The following DENND5B variants were observed in gnomAD, a reference collection of about 807,000 sequenced individuals.
The protein encoded by DENND5B is DENN domain-containing protein 5B.
DENND5B carries 34 observed loss-of-function variants against 140.6 expected under a neutral mutation model. The ratio of observed to expected loss-of-function variants is 0.24; its 90% CI spans 0.18 to 0.32. The LOEUF is 0.32. DENND5B is among the 10% of genes least tolerant of loss of function. The probability of loss-of-function intolerance (pLI) is 1.00; values close to 1 mark genes in which losing one functional copy is unlikely to be tolerated. For missense variants in DENND5B, 1,142 were observed against 1,560.2 expected (o/e 0.73, Z 4.52); for synonymous variants, 551 against 562.1 (o/e 0.98, Z 0.28).
At chr12:31,510,150 T>A (rs1947355520) in intron 1 of DENND5B, among the ~76,000 whole-genome samples, 1 of 152,304 alleles carries the variant, frequency 6.6e-6, no homozygotes, top group South Asian at 2.1e-4. Context: ...TTATGATAAA[T>A]TTAGCAGCTT....
At chr12:31,462,724 C>T (rs117136386) in intron 3 of DENND5B, among the ~76,000 whole-genome samples, 3,117 of 152,162 alleles carry the variant, frequency 0.02, 56 homozygotes, top group South Asian at 0.053. Context: ...TTTGGGAGAC[C>T]GAGGTGGGTG....
At chr12:31,532,407 C>A (rs1948318747) in intron 1 of DENND5B, among the ~76,000 whole-genome samples, 1 of 152,000 alleles carries the variant, frequency 6.6e-6, no homozygotes, top group East Asian at 1.9e-4. Context: ...GGCTCATAGA[C>A]CTCAATATAA....
At chr12:31,490,255 C>T (rs1297785786) in intron 2 of DENND5B, among the ~76,000 whole-genome samples, 1 of 147,274 alleles carries the variant, frequency 6.8e-6, no homozygotes, top group African/African-American at 2.5e-5. Flanking sequence ...ATGGGGGTGG[C>T]GGGGGCAAAA....
intron 6 of DENND5B, among the ~76,000 whole-genome samples, chr12:31,443,632 C>T (rs1186662510): frequency 4.6e-5 from 7 of 152,056 alleles, no homozygotes; most frequent in Non-Finnish European, 7.4e-5. Context: ...TTTTCTTGAG[C>T]TGAAATACAA....
At chr12:31,451,881 G>C in intron 5 of DENND5B, 59 bp downstream of exon 5, 2 of 1,554,224 alleles carry the variant, frequency 1.3e-6, no homozygotes, top group African/African-American at 1.4e-5. Context: ...ATTTAAAAAT[G>C]TTAAAATCAA....
intron 1 of DENND5B, among the ~76,000 whole-genome samples, chr12:31,521,824 C>A (rs1351334138): frequency 6.6e-6 from 1 of 152,180 alleles, no homozygotes; most frequent in Non-Finnish European, 1.5e-5. Flanking sequence ...TAGCCTCCTA[C>A]CTGGCCTCCC....
intron 9 of DENND5B, 139 bp from the exon 10 acceptor site, chr12:31,424,826 T>C: frequency 8.7e-7 from 1 of 1,143,994 alleles, no homozygotes; most frequent in Non-Finnish European, 1.2e-6. Flanking sequence ...GAAAAAAATC[T>C]CTTAATCTTG....
At chr12:31,587,567 A>T (rs1950440766) in intron 1 of DENND5B, among the ~76,000 whole-genome samples, 13 of 61,718 alleles carry the variant, frequency 2.1e-4, no homozygotes, top group East Asian at 1.0e-3. Context: ...TTTTTTTTTG[A>T]GACAGAGTCT....
chr12:31,413,850 A>G (rs1353689500), intron 12 of DENND5B, among the ~76,000 whole-genome samples: 1 of 152,182 alleles, frequency 6.6e-6, no homozygotes, highest in Non-Finnish European at 1.5e-5. Context: ...TGGCAGACTC[A>G]TAGATATCTG....
At chr12:31,409,557 C>T (rs1487774276) in intron 13 of DENND5B, among the ~76,000 whole-genome samples, 173 bp from the exon 14 acceptor site, 1 of 147,106 alleles carries the variant, frequency 6.8e-6, no homozygotes, top group East Asian at 2.1e-4. Flanking sequence ...CAGCTCACTG[C>T]AAACTCTGCC....
Position 31,426,208 on chromosome 12 carries a change from A to T in DENND5B, c.2238+85T>A. ...TTCTTCTAGCAAAATTACATGCTTAAATGGGGGTTAACTCAGTTCATCTTA... is the reference window on the plus strand; with the variant it reads ...TTCTTCTAGCAAAATTACATGCTTATATGGGGGTTAACTCAGTTCATCTTA... On this transcript the variant is annotated intron_variant, in intron 9 of 20. Coordinates refer to ENST00000389082, the MANE Select transcript of DENND5B (RefSeq NM_144973.4). 2.1e-6 allele frequency: 3 copies of T among 1,438,062 alleles called. No homozygotes were observed. The South Asian group carries it at 4.5e-5, about 22-fold the overall frequency. The allele number at this position is 1,438,062 out of a possible 1,614,324, so 89.1% of individuals were successfully genotyped here.
In DENND5B at chr12:31,416,891, A is replaced by AAT. The variant is rs1185596043; in HGVS notation, c.2471-1445_2471-1444dup. Among the ~76,000 whole-genome samples the AAT allele has an allele frequency of 7.3e-5, 11 of 150,118 alleles. No individual in the cohort carries two copies. The South Asian group carries it at 1.3e-3, about 17-fold the overall frequency. On this transcript the variant is annotated intron_variant, in intron 11 of 20. Coordinates refer to ENST00000389082, the MANE Select transcript of DENND5B (RefSeq NM_144973.4). The stretch of plus-strand genomic sequence containing the variant: ...TATGGGTTTGGACAATGGGAAGCTA[A>AAT]ATATATATATGTCTTTTTTTTTTTA...
intron 1 of DENND5B, among the ~76,000 whole-genome samples, chr12:31,570,920 C>T (rs1369854338): frequency 6.6e-6 from 1 of 151,926 alleles, no homozygotes; most frequent in Admixed American, 6.6e-5. Flanking sequence ...TACAGCAACA[C>T]AAACTGGGAA....
intron 1 of DENND5B, among the ~76,000 whole-genome samples, chr12:31,545,894 T>C (rs902110973): frequency 8.1e-6 from 1 of 122,962 alleles, no homozygotes; most frequent in Admixed American, 1.1e-4. Context: ...GAGGTTGCAG[T>C]GAGTCAGGAT....
chr12:31,487,617 G>C (rs11051446), intron 2 of DENND5B, among the ~76,000 whole-genome samples: 40 of 151,808 alleles, frequency 2.6e-4, no homozygotes, highest in African/African-American at 9.4e-4. Flanking sequence ...CACGAGAATC[G>C]CATGAATCCG....
At chr12:31,551,761 C>T (rs1393297480) in intron 1 of DENND5B, among the ~76,000 whole-genome samples, 2 of 152,136 alleles carry the variant, frequency 1.3e-5, no homozygotes, top group East Asian at 3.8e-4. Flanking sequence ...TTGTAGTTCT[C>T]CTTGAAGAGG....
chr12:31,549,584 C>A (rs929969778), intron 1 of DENND5B, among the ~76,000 whole-genome samples: 2 of 151,568 alleles, frequency 1.3e-5, no homozygotes, highest in African/African-American at 4.9e-5. Flanking sequence ...GCAGGATATG[C>A]AGGTTTGTTA....
intron 1 of DENND5B, among the ~76,000 whole-genome samples, chr12:31,535,626 A>C (rs576489304): frequency 6.6e-6 from 1 of 152,314 alleles, no homozygotes; most frequent in African/African-American, 2.4e-5. Flanking sequence ...GACACGGCTT[A>C]GATCTCAATA....
At chr12:31,455,111 C>T (rs1295808451) in intron 4 of DENND5B, among the ~76,000 whole-genome samples, 2 of 151,948 alleles carry the variant, frequency 1.3e-5, no homozygotes, top group African/African-American at 4.8e-5. Context: ...TGAGCCACCG[C>T]GCCCGGCCAA....
Sources: gnomAD v4.1 joint callset for allele counts (sites outside exome capture counted in the v4.1 genomes callset) on GRCh38, gnomAD v4.1.1 for gene constraint, MANE v1.5 for transcripts, NCBI Gene and HGNC (gene_info 2026-07-23, HGNC 2026-07-21) for gene names.